Variants in KIFAP3 observed in about 807,000 individuals in gnomAD.
The protein encoded by KIFAP3 is kinesin associated protein 3.
KIFAP3 carries 68 observed loss-of-function variants against 106.5 expected under a neutral mutation model. The observed-to-expected ratio is 0.64, with a 90% CI of 0.53 to 0.78. KIFAP3 has a LOEUF of 0.78. KIFAP3 is among the 30% of genes least tolerant of loss of function. The probability of loss-of-function intolerance (pLI) is 0.00; values close to 1 mark genes in which losing one functional copy is unlikely to be tolerated. For synonymous variants in KIFAP3, 320 were observed against 311.5 expected, an observed-to-expected ratio of 1.03 and a Z score of -0.29; for missense variants, 780 against 941.8, an observed-to-expected ratio of 0.83 and a Z score of 2.25.
At chr1:170,000,913 A>G (rs1365661311) in intron 10 of KIFAP3, among the ~76,000 whole-genome samples, 1 of 152,152 alleles carries the variant, frequency 6.6e-6, no homozygotes, top group Non-Finnish European at 1.5e-5. Context: ...TCTGAGGTAC[A>G]GTGGTTCACG....
intron 19 of KIFAP3, among the ~76,000 whole-genome samples, chr1:169,934,172 C>T (rs1663655515): frequency 6.6e-6 from 1 of 152,150 alleles, no homozygotes. Flanking sequence ...GCTTCATACA[C>T]ATGCTTTCTG....
Position 169,972,531 on chromosome 1 carries a change from A to G in KIFAP3, c.1965T>C (p.Asn655=), listed in dbSNP as rs754419100. The G allele has an allele frequency of 9.4e-6, 14 of 1,481,692 alleles. No homozygotes were observed. The highest frequency in any genetic ancestry group is 1.3e-5 in the Non-Finnish European group (14 of 1,064,270). 91.8% of individuals were successfully genotyped at this position (1,481,692 alleles called of 1,614,324 possible). A position where few individuals can be genotyped will look rare whatever the true frequency, so the allele number is the denominator to read the frequency against. ...TACTTACCGCTATAATATCTAATGT[A>G]TTATCACAGACCTTTCGGATTTCAT... The part of the protein sequence containing the change: ...KNNEIRKVCD[N]TLDIIAEYDE... The change falls in exon 17 of 20, where the codon AAT becomes AAC. Residue 655 remains asparagine (N), a synonymous_variant. Transcript: ENST00000361580.
intron 16 of KIFAP3, among the ~76,000 whole-genome samples, chr1:169,975,891 C>T (rs1200626603): frequency 6.6e-6 from 1 of 152,182 alleles, no homozygotes; most frequent in Non-Finnish European, 1.5e-5. Context: ...TTTTATCTCC[C>T]TGTTGCACCA....
At chr1:169,991,400 G>A (rs1344243254) in intron 11 of KIFAP3, among the ~76,000 whole-genome samples, 5 of 151,518 alleles carry the variant, frequency 3.3e-5, no homozygotes, top group Admixed American at 2.0e-4. Flanking sequence ...TGAATGATCT[G>A]TAACAGAATA....
intron 18 of KIFAP3, among the ~76,000 whole-genome samples, chr1:169,959,605 T>C (rs1243014109): frequency 6.6e-6 from 1 of 152,160 alleles, no homozygotes; most frequent in Admixed American, 6.5e-5. Context: ...GTGGTATAAC[T>C]GTTTAGAAAT....
At position 169,978,089 on chromosome 1, in the gene KIFAP3, T is replaced by C. The variant is rs780108632; in HGVS notation, c.1893A>G (p.Glu631=). The C allele has an allele frequency of 6.3e-7, 1 of 1,589,244 alleles. No individual in the cohort carries two copies. The highest frequency in any genetic ancestry group is 1.1e-5 in the South Asian group (1 of 90,448). Reference sequence around the variant, plus strand: ...CGGTAAACACTGAAAGGATACGTGTTTCCTTGATTATGACGTCTCTTGTGG... The same window carrying C: ...CGGTAAACACTGAAAGGATACGTGTCTCCTTGATTATGACGTCTCTTGTGG... ...HQATRDVIIK[E]TQAPAYLIDL... Residue 631 remains glutamate (E), a synonymous_variant, in exon 16 of 20, where the codon GAA becomes GAG. Transcript: ENST00000361580.
At chr1:170,040,779 C>G (rs1669934131) in intron 3 of KIFAP3, among the ~76,000 whole-genome samples, 1 of 151,686 alleles carries the variant, frequency 6.6e-6, no homozygotes, top group Non-Finnish European at 1.5e-5. Context: ...TAGTACTTAA[C>G]TGAATGCCAA....
intron 1 of KIFAP3, among the ~76,000 whole-genome samples, chr1:170,081,482 T>C (rs1260758465): frequency 6.6e-6 from 1 of 152,220 alleles, no homozygotes; most frequent in Non-Finnish European, 1.5e-5. Context: ...AAAATCAAGA[T>C]ACCAAGAGGG....
intron 2 of KIFAP3, among the ~76,000 whole-genome samples, chr1:170,052,864 T>G (rs1278042493): frequency 6.6e-6 from 1 of 152,194 alleles, no homozygotes; most frequent in Non-Finnish European, 1.5e-5. Context: ...GAGCTATTTA[T>G]GACAAACCCA....
Position 169,992,155 on chromosome 1 carries a change from C to CTG in KIFAP3, c.1282_1283dup (p.Gln428HisfsTer3). ...TTCATAAAACACTTAAACCACTTAC[C>CTG]TGTGGTATACAGTCAGTGTATGCAA... is the stretch of plus-strand genomic sequence containing the variant. On this transcript the variant is annotated frameshift_variant and splice_region_variant, in exon 11 of 20. Transcript: ENST00000361580. LOFTEE classifies it high-confidence loss of function. 7.0e-7 allele frequency: 1 copy of CTG among 1,426,378 alleles called. No homozygotes were observed. The highest frequency in any genetic ancestry group is 9.4e-7 in the Non-Finnish European group (1 of 1,064,236). The allele number at this position is 1,426,378 out of a possible 1,614,324, so 88.4% of individuals were successfully genotyped here. A position where few individuals can be genotyped will look rare whatever the true frequency, so the allele number is the denominator to read the frequency against.
At chr1:170,072,717 T>C (rs1048258216) in intron 1 of KIFAP3, among the ~76,000 whole-genome samples, 9 of 152,064 alleles carry the variant, frequency 5.9e-5, no homozygotes, top group African/African-American at 2.2e-4. Context: ...ATATATGTAA[T>C]CATGGTCAAA....
At chr1:169,950,387 A>G (rs1457135175) in intron 19 of KIFAP3, among the ~76,000 whole-genome samples, 1 of 152,182 alleles carries the variant, frequency 6.6e-6, no homozygotes, top group Non-Finnish European at 1.5e-5. Flanking sequence ...TTTATACATT[A>G]ATCAAGTATT....
At chr1:170,081,427 T>TAC (rs1473061165) in intron 1 of KIFAP3, among the ~76,000 whole-genome samples, 5 of 152,226 alleles carry the variant, frequency 3.3e-5, no homozygotes, top group Admixed American at 3.3e-4. Flanking sequence ...TTTATTGTCT[T>TAC]ACAGTTCTGT....
chr1:170,039,823 G>A (rs549364871), intron 3 of KIFAP3, among the ~76,000 whole-genome samples: 17 of 152,134 alleles, frequency 1.1e-4, no homozygotes, highest in East Asian at 5.8e-4. Context: ...CATTTATTAC[G>A]TGTGTTAATT....
rs2295486 is a variant in KIFAP3 at position 169,972,405 on chromosome 1, A to G, written c.1983+108T>C. Reference sequence around the variant, plus strand: ...ATTGTATATCCTGAATCTTACCAAAATACAAAGTTGGGTTTACACTGAATG... The same window carrying G: ...ATTGTATATCCTGAATCTTACCAAAGTACAAAGTTGGGTTTACACTGAATG... On this transcript the variant is annotated intron_variant, in intron 17 of 19. Transcript: ENST00000361580. 213 of 629,466 alleles carry G rather than the reference A, an allele frequency of 3.4e-4. No homozygotes were observed. In the East Asian group the frequency reaches 6.0e-3, roughly 18 times the overall value. 39.0% of individuals were successfully genotyped at this position (629,466 alleles called of 1,614,324 possible). A position where few individuals can be genotyped will look rare whatever the true frequency, so the allele number is the denominator to read the frequency against.
intron 11 of KIFAP3, among the ~76,000 whole-genome samples, chr1:169,989,330 TTATC>T (rs1214339680): frequency 6.7e-6 from 1 of 148,150 alleles, no homozygotes; most frequent in Non-Finnish European, 1.5e-5. Context: ...TTGCATTTAT[TTATC>T]TTTTATTTAA....
At chr1:169,944,506 C>T (rs1664318469) in intron 19 of KIFAP3, among the ~76,000 whole-genome samples, 1 of 152,110 alleles carries the variant, frequency 6.6e-6, no homozygotes, top group African/African-American at 2.4e-5. Context: ...TCGTTTCCCA[C>T]AACATGGTGA....
At chr1:169,974,691 C>T (rs1666129960) in intron 16 of KIFAP3, among the ~76,000 whole-genome samples, 1 of 151,732 alleles carries the variant, frequency 6.6e-6, no homozygotes, top group Non-Finnish European at 1.5e-5. Flanking sequence ...CTATCATATT[C>T]ACCATAGTAC....
intron 9 of KIFAP3, among the ~76,000 whole-genome samples, chr1:170,021,700 A>G (rs1668833311): frequency 6.6e-6 from 1 of 151,898 alleles, no homozygotes; most frequent in African/African-American, 2.4e-5. Flanking sequence ...TTAGCCTCCC[A>G]AAGTGCTGGA....
Sources: gnomAD v4.1 joint callset for allele counts (sites outside exome capture counted in the v4.1 genomes callset) on GRCh38, gnomAD v4.1.1 for gene constraint, MANE v1.5 for transcripts, NCBI Gene and HGNC (gene_info 2026-07-23, HGNC 2026-07-21) for gene names.